The following SLIT2 variants were observed in gnomAD, a reference collection of about 807,000 sequenced individuals.
SLIT2 encodes slit homolog 2 protein.
In SLIT2, 41 loss-of-function variants were observed where a neutral mutation model predicts 185.7. The ratio of observed to expected loss-of-function variants is 0.22; its 90% confidence interval spans 0.17 to 0.29. SLIT2 has a LOEUF of 0.29. SLIT2 is among the 10% of genes least tolerant of loss of function. SLIT2 has a pLI of 1.00. For missense variants in SLIT2, 1,571 were observed against 1,909.0 expected (o/e 0.82, Z 3.30); for synonymous variants, 693 against 680.2 (o/e 1.02, Z -0.29).
chr4:20,313,582 T>C (rs1454323641), intron 4 of SLIT2, among the ~76,000 whole-genome samples: 2 of 152,190 alleles, frequency 1.3e-5, no homozygotes, highest in Non-Finnish European at 2.9e-5. Context: ...TTTTCTTTTT[T>C]AGTATATCCA....
chr4:20,377,575 G>A (rs929050466), intron 4 of SLIT2, among the ~76,000 whole-genome samples: 2 of 152,008 alleles, frequency 1.3e-5, no homozygotes, highest in Non-Finnish European at 2.9e-5. Context: ...ATTGCATATG[G>A]CAGTCCCATC....
Position 20,546,093 on chromosome 4 carries a change from C to T in SLIT2, c.2339C>T (p.Thr780Ile). ...GAACTCTCCAACTACAAACATTTAA[C>T]ACTTATGTGAGTAACATATTGCACT... ...PKELSNYKHL[T>I]LIDLSNNRIS... The change falls in exon 22 of 37, where the codon ACA becomes ATA. Residue 780 changes from threonine to isoleucine, a missense_variant. Around this residue, in one of 3 missense-constraint regions of SLIT2, gnomAD observed 1,202 missense variants for 1,416.4 expected, o/e 0.85. Coordinates refer to ENST00000504154, the MANE Select transcript of SLIT2 (RefSeq NM_004787.4). 6.4e-7 allele frequency: 1 copy of T among 1,571,088 alleles called. No homozygotes were observed. Among genetic ancestry groups the T allele is most frequent in the South Asian group, 1.2e-5 (1 of 86,634 alleles).
intron 4 of SLIT2, among the ~76,000 whole-genome samples, chr4:20,284,292 GC>G (rs1241427348): frequency 6.6e-6 from 1 of 152,150 alleles, no homozygotes; most frequent in Non-Finnish European, 1.5e-5. Flanking sequence ...TTAAAAATGT[GC>G]TGCTTTAGTT....
intron 29 of SLIT2, among the ~76,000 whole-genome samples, chr4:20,577,491 G>C (rs1474033617): frequency 2.0e-5 from 3 of 152,160 alleles, no homozygotes; most frequent in Admixed American, 2.0e-4. Context: ...TGCACACAAA[G>C]ATCACATCTG....
rs567396159 is a variant in SLIT2, at chr4:20,499,591, G to A, written c.914+7692G>A. Reference sequence around the variant, plus strand: ...TGCAAGGTCCGCCTCCTGGGTTCACGCCATTCTCCTGCTCAGCCTCCTGAG... The same window carrying A: ...TGCAAGGTCCGCCTCCTGGGTTCACACCATTCTCCTGCTCAGCCTCCTGAG... On this transcript the variant is annotated intron_variant, in intron 9 of 36. Transcript: ENST00000504154. Among the ~76,000 whole-genome samples the A allele has an allele frequency of 2.0e-5, 3 of 152,200 alleles. No homozygotes were observed. In the South Asian group the frequency reaches 6.2e-4, roughly 32 times the overall value.
intron 4 of SLIT2, among the ~76,000 whole-genome samples, chr4:20,279,862 A>G (rs1272494238): frequency 6.6e-6 from 1 of 152,182 alleles, no homozygotes; most frequent in Non-Finnish European, 1.5e-5. Context: ...AACTTTGCCA[A>G]GATTCCTGTC....
At chr4:20,494,766 A>G (rs578208514) in intron 9 of SLIT2, among the ~76,000 whole-genome samples, 12 of 151,062 alleles carry the variant, frequency 7.9e-5, no homozygotes, top group Non-Finnish European at 1.3e-4. Flanking sequence ...TGACAGAGCT[A>G]GACTCCGTCT....
chr4:20,284,144 A>G (rs1247880305), intron 4 of SLIT2, among the ~76,000 whole-genome samples: 1 of 152,166 alleles, frequency 6.6e-6, no homozygotes, highest in Non-Finnish European at 1.5e-5. Flanking sequence ...CATTCAGAGA[A>G]TGCCACCACC....
At chr4:20,436,778 A>G (rs540920682) in intron 4 of SLIT2, among the ~76,000 whole-genome samples, 6 of 152,308 alleles carry the variant, frequency 3.9e-5, no homozygotes, top group South Asian at 2.1e-4. Flanking sequence ...TGCAAAGCCT[A>G]GCATATTTAC....
chr4:20,353,571 C>T (rs1006721213), intron 4 of SLIT2, among the ~76,000 whole-genome samples: 17 of 152,008 alleles, frequency 1.1e-4, no homozygotes, highest in African/African-American at 4.1e-4. Context: ...AGGCTGCATA[C>T]ATTATTTATT....
intron 4 of SLIT2, among the ~76,000 whole-genome samples, chr4:20,290,263 G>T (rs970312938): frequency 6.6e-6 from 1 of 152,038 alleles, no homozygotes; most frequent in Non-Finnish European, 1.5e-5. Flanking sequence ...TCAGCCCTTC[G>T]TGTCTGTGGG....
intron 12 of SLIT2, among the ~76,000 whole-genome samples, chr4:20,519,676 T>C (rs1184392379): frequency 2.0e-5 from 3 of 152,152 alleles, no homozygotes; most frequent in Non-Finnish European, 4.4e-5. Flanking sequence ...CTATCATGAA[T>C]GTATGCATTC....
intron 4 of SLIT2, among the ~76,000 whole-genome samples, chr4:20,440,356 G>A (rs1000209242): frequency 6.6e-6 from 1 of 152,138 alleles, no homozygotes; most frequent in African/African-American, 2.4e-5. Context: ...AGTCAGAGTG[G>A]GGACCATGTG....
intron 30 of SLIT2, among the ~76,000 whole-genome samples, chr4:20,593,292 A>G (rs544655171): frequency 9.9e-5 from 15 of 152,176 alleles, no homozygotes; most frequent in Non-Finnish European, 2.2e-4. Flanking sequence ...TATACGTGTT[A>G]AAGATGAGGA....
chr4:20,454,595 G>T (rs1159881527), intron 4 of SLIT2, among the ~76,000 whole-genome samples: 1 of 152,132 alleles, frequency 6.6e-6, no homozygotes, highest in East Asian at 1.9e-4. Flanking sequence ...CAGACTCTAA[G>T]AGAGGTTAAA....
intron 36 of SLIT2, 124 bp downstream of exon 36, chr4:20,617,774 G>A (rs542442369): frequency 1.4e-5 from 9 of 661,542 alleles, no homozygotes; most frequent in East Asian, 2.7e-5. Context: ...ACAGAGAGAG[G>A]GGAGTGACAG....
At chr4:20,354,562 A>G (rs1208578010) in intron 4 of SLIT2, among the ~76,000 whole-genome samples, 2 of 152,192 alleles carry the variant, frequency 1.3e-5, no homozygotes, top group African/African-American at 4.8e-5. Context: ...TTAAACAAAA[A>G]TATATAAACC....
At chr4:20,409,267 A>G (rs540518655) in intron 4 of SLIT2, among the ~76,000 whole-genome samples, 32 of 152,070 alleles carry the variant, frequency 2.1e-4, no homozygotes, top group Middle Eastern at 3.4e-3. Flanking sequence ...GTTCCCCACC[A>G]TGTGTCCATG....
intron 29 of SLIT2, among the ~76,000 whole-genome samples, chr4:20,570,352 A>G (rs1473674813): frequency 6.6e-6 from 1 of 151,958 alleles, no homozygotes; most frequent in Non-Finnish European, 1.5e-5. Flanking sequence ...GCACCTTTCT[A>G]GAGTATCTGG....
Sources: gnomAD v4.1 joint callset for allele counts (sites outside exome capture counted in the v4.1 genomes callset) on GRCh38, gnomAD v4.1.1 for gene constraint, gnomAD v4.1.1 regional missense constraint, MANE v1.5 for transcripts, NCBI Gene and HGNC (gene_info 2026-07-23, HGNC 2026-07-21) for gene names.